PRKCZ: variants seen among roughly 807,000 people sequenced by gnomAD.
The protein encoded by PRKCZ is protein kinase C zeta.
Under a neutral mutation model 79.5 loss-of-function variants are expected in PRKCZ, and 33 were observed. The ratio of observed to expected loss-of-function variants is 0.41; its 90% CI spans 0.31 to 0.55. PRKCZ has a LOEUF of 0.55. PRKCZ is among the 20% of genes least tolerant of loss of function. The probability of loss-of-function intolerance (pLI) is 0.19; values close to 1 mark genes in which losing one functional copy is unlikely to be tolerated. For synonymous variants in PRKCZ, 342 were observed against 320.9 expected, an observed-to-expected ratio of 1.07 and a Z score of -0.70; for missense variants, 578 against 813.5, an observed-to-expected ratio of 0.71 and a Z score of 3.52.
intron 10 of PRKCZ, among the ~76,000 whole-genome samples, chr1:2,160,496 G>A (rs1221130115): frequency 6.6e-6 from 1 of 152,210 alleles, no homozygotes; most frequent in African/African-American, 2.4e-5. Flanking sequence ...GAGGGCAATG[G>A]TGTGTGTCAG....
chr1:2,080,574 T>C (rs1162683964), intron 4 of PRKCZ, among the ~76,000 whole-genome samples: 2 of 152,142 alleles, frequency 1.3e-5, no homozygotes, highest in African/African-American at 2.4e-5. Context: ...TTTGGAACAG[T>C]TTTGGATTTA....
At chr1:2,061,597 C>G (rs1003992474) in intron 4 of PRKCZ, among the ~76,000 whole-genome samples, 1 of 152,178 alleles carries the variant, frequency 6.6e-6, no homozygotes, top group African/African-American at 2.4e-5. Context: ...GACCACTCAG[C>G]CTGGTTGGGG....
chr1:2,145,873 G>A (rs996851222), intron 6 of PRKCZ, among the ~76,000 whole-genome samples, 154 bp from the exon 7 acceptor site: 3 of 152,214 alleles, frequency 2.0e-5, no homozygotes, highest in East Asian at 3.9e-4. Flanking sequence ...CCGTGATCGC[G>A]CCACTGCTCT....
chr1:2,146,509 G>A (rs1412087361), intron 7 of PRKCZ, among the ~76,000 whole-genome samples: 1 of 152,224 alleles, frequency 6.6e-6, no homozygotes, highest in Admixed American at 6.5e-5. Context: ...GCCTGGCGAG[G>A]TGGCTGCTGC....
chr1:2,121,622 G>A (rs55729356), intron 4 of PRKCZ, among the ~76,000 whole-genome samples: 720 of 17,788 alleles, frequency 0.04, 126 homozygotes, highest in African/African-American at 0.13. Flanking sequence ...TCATGGTGGT[G>A]GTTAGGGTCA....
chr1:2,148,962 C>T (rs762261350), intron 8 of PRKCZ, 38 bp downstream of exon 8: 18 of 1,598,804 alleles, frequency 1.1e-5, no homozygotes, highest in Non-Finnish European at 1.5e-5. Context: ...TTTCCGACGT[C>T]CTCTGGAAAG....
At chr1:2,169,420 G>A in intron 10 of PRKCZ, 98 bp from the exon 11 acceptor site, 1 of 1,013,000 alleles carries the variant, frequency 9.9e-7, no homozygotes, top group Non-Finnish European at 1.5e-6. Flanking sequence ...ACCTGCGGGA[G>A]GGTTCGGGCC....
intron 4 of PRKCZ, chr1:2,111,811 G>C (rs1669794332): frequency 6.6e-6 from 1 of 152,310 alleles, no homozygotes; most frequent in Non-Finnish European, 1.5e-5. Context: ...GGACGTGCAG[G>C]AGGGAGGTAC....
At chr1:2,142,990 G>C (rs1267780054) in intron 5 of PRKCZ, 1 of 151,542 alleles carries the variant, frequency 6.6e-6, no homozygotes, top group Non-Finnish European at 1.5e-5. Context: ...CGTGAATTCA[G>C]TGCAGGCGGT....
chr1:2,062,169 T>C (rs1021601509), intron 4 of PRKCZ, among the ~76,000 whole-genome samples: 21 of 152,214 alleles, frequency 1.4e-4, no homozygotes, highest in Admixed American at 1.3e-4. Flanking sequence ...TTAAAAAAAT[T>C]CTAAAGTATA....
chr1:2,102,579 G>T (rs536592172), intron 4 of PRKCZ, among the ~76,000 whole-genome samples: 46 of 152,032 alleles, frequency 3.0e-4, no homozygotes, highest in African/African-American at 8.5e-4. Flanking sequence ...TGATCCGCCC[G>T]CCTTGGCCTC....
intron 10 of PRKCZ, among the ~76,000 whole-genome samples, chr1:2,164,063 A>G (rs1682849047): frequency 6.6e-6 from 1 of 152,126 alleles, no homozygotes; most frequent in Non-Finnish European, 1.5e-5. Flanking sequence ...CCTGGGGAAA[A>G]CCGTGCCCTG....
chr1:2,138,911 G>A (rs1676764742), intron 5 of PRKCZ, among the ~76,000 whole-genome samples: 1 of 152,236 alleles, frequency 6.6e-6, no homozygotes, highest in African/African-American at 2.4e-5. Context: ...GACAGAGTGA[G>A]ACTCCGTCTC....
rs1015714738 is a variant in PRKCZ at position 2,174,210 on chromosome 1, G to C, written c.1405+194G>C. Among the ~76,000 whole-genome samples the C allele has an allele frequency of 6.6e-6, 1 of 152,204 alleles. No individual in the cohort carries two copies. The highest frequency in any genetic ancestry group is 2.4e-5 in the African/African-American group (1 of 41,456). ...GCCGTGGGGTGGGGTTACCACACCT[G>C]TGGGTCAGCAGGAAAGAGAACCTGT... On this transcript the variant is annotated intron_variant, in intron 14 of 17. Coordinates refer to ENST00000378567, the MANE Select transcript of PRKCZ (RefSeq NM_002744.6). The surrounding 1 kb of genome is among the most constrained non-coding windows in gnomAD (Gnocchi z 6.2).
chr1:2,167,115 A>G (rs562652387), intron 10 of PRKCZ, among the ~76,000 whole-genome samples: 1 of 152,386 alleles, frequency 6.6e-6, no homozygotes, highest in South Asian at 2.1e-4. Context: ...TAGACAAAAA[A>G]ACCCCACCAT....
chr1:2,143,982 T>A (rs1352493902), intron 5 of PRKCZ: 1 of 544,408 alleles, frequency 1.8e-6, no homozygotes, highest in Non-Finnish European at 3.2e-6. Flanking sequence ...CAGAGCAGGG[T>A]TCCAGGCCTC....
intron 4 of PRKCZ, among the ~76,000 whole-genome samples, chr1:2,064,686 T>C (rs548676990): frequency 2.0e-5 from 3 of 152,226 alleles, no homozygotes; most frequent in African/African-American, 7.2e-5. Context: ...AGGGTTCATT[T>C]GTGGAGTCTC....
In PRKCZ at chr1:2,173,904, C is replaced by T. The variant is rs565016105; in HGVS notation, c.1293C>T (p.Ser431=). 2.0e-5 allele frequency: 33 copies of T among 1,609,982 alleles called. 1 individual carries two copies. In the South Asian group the frequency reaches 2.2e-4, roughly 11 times the overall value. The change falls in exon 14 of 18, where the codon AGC becomes AGT. Residue 431 remains serine (S), a synonymous_variant. Transcript: ENST00000378567. The surrounding 1 kb of genome is among the most constrained non-coding windows in gnomAD (Gnocchi z 5.7). The part of the protein sequence containing the change: ...EILRGEEYGF[S]VDWWALGVLM... ...CTGTGTGCTCTCCCCCAGGGTTCAG[C>T]GTGGACTGGTGGGCGCTGGGAGTCC...
intron 4 of PRKCZ, among the ~76,000 whole-genome samples, chr1:2,061,796 G>T (rs1660701407): frequency 6.6e-6 from 1 of 152,218 alleles, no homozygotes; most frequent in African/African-American, 2.4e-5. Flanking sequence ...GGGCTTAGGG[G>T]GCTGGCGCTC....
Sources: gnomAD v4.1 joint callset for allele counts (sites outside exome capture counted in the v4.1 genomes callset) on GRCh38, gnomAD v4.1.1 for gene constraint, Gnocchi (gnomAD v3.1) non-coding constraint, MANE v1.5 for transcripts, NCBI Gene and HGNC (gene_info 2026-07-23, HGNC 2026-07-21) for gene names.